The following MDFIC2 variants were observed in gnomAD, a reference collection of about 807,000 sequenced individuals.
MDFIC2 encodes myoD family inhibitor domain-containing protein 2.
chr3:70,262,676 G>T (rs1200577826), intron 2 of MDFIC2, among the ~76,000 whole-genome samples: 1 of 152,104 alleles, frequency 6.6e-6, no homozygotes, highest in East Asian at 1.9e-4. Context: ...CACATAACAG[G>T]GTTGGCGCAT....
chr3:70,226,950 C>G (rs948211239), intron 2 of MDFIC2, among the ~76,000 whole-genome samples: 1 of 151,958 alleles, frequency 6.6e-6, no homozygotes, highest in Non-Finnish European at 1.5e-5. Context: ...TTTATTTTAG[C>G]CTATAGACAA....
chr3:70,290,473 C>A (rs567805326), intron 2 of MDFIC2, among the ~76,000 whole-genome samples: 2 of 152,224 alleles, frequency 1.3e-5, no homozygotes, highest in South Asian at 2.1e-4. Flanking sequence ...AGCTGTCAGA[C>A]AGGGACATTT....
intron 2 of MDFIC2, among the ~76,000 whole-genome samples, chr3:70,285,400 T>G (rs1334917463): frequency 6.6e-6 from 1 of 152,166 alleles, no homozygotes; most frequent in South Asian, 2.1e-4. Context: ...TCAGTTTTTA[T>G]GGCTGCATAG....
chr3:70,243,918 G>A (rs894804376), intron 2 of MDFIC2, among the ~76,000 whole-genome samples: 1 of 152,170 alleles, frequency 6.6e-6, no homozygotes, highest in African/African-American at 2.4e-5. Flanking sequence ...GTTTCCTAGA[G>A]TAAGTAACAG....
chr3:70,293,293 A>G (rs1367811710), intron 2 of MDFIC2, among the ~76,000 whole-genome samples: 1 of 152,096 alleles, frequency 6.6e-6, no homozygotes, highest in Non-Finnish European at 1.5e-5. Context: ...AATTACATAC[A>G]ATTATCAAAA....
chr3:70,292,446 T>C (rs1195140845), intron 2 of MDFIC2, among the ~76,000 whole-genome samples: 1 of 152,144 alleles, frequency 6.6e-6, no homozygotes, highest in Non-Finnish European at 1.5e-5. Context: ...ATGATATCAC[T>C]AGTAATACTA....
rs4488800 is a variant in MDFIC2, at chr3:70,195,111, G to C, written c.*1815C>G. 0.17 allele frequency among the ~76,000 whole-genome samples: 25,397 copies of C among 152,152 alleles called. 2,885 individuals are homozygous for C. Among genetic ancestry groups the C allele is most frequent in the Middle Eastern group, 0.24 (71 of 294 alleles). ...CCTGACACTGCCAATAATTCACTGTGTGGTCTTGAATAAGTCAGTTCATGG... is the reference window on the plus strand; with the variant it reads ...CCTGACACTGCCAATAATTCACTGTCTGGTCTTGAATAAGTCAGTTCATGG... On this transcript the variant is annotated 3_prime_UTR_variant, in exon 4 of 4. Coordinates refer to ENST00000567252, the MANE Select transcript of MDFIC2 (RefSeq NM_001364677.1).
chr3:70,297,361 C>G lies in MDFIC2; in HGVS notation c.88+14525G>C, dbSNP rs116007928. 5.9e-5 allele frequency among the ~76,000 whole-genome samples: 9 copies of G among 152,100 alleles called. 1 individual carries two copies. Among genetic ancestry groups the G allele is most frequent in the African/African-American group, 2.2e-4 (9 of 41,522 alleles). On this transcript the variant is annotated intron_variant, in intron 2 of 3. Transcript: ENST00000567252. The stretch of plus-strand genomic sequence containing the variant: ...TGCTTGCTCTAGACCACAAAAAGAA[C>G]TGGATATCTTGGTGGAGATTAAGAG...
At chr3:70,227,484 G>A (rs1219633906) in intron 2 of MDFIC2, among the ~76,000 whole-genome samples, 3 of 152,168 alleles carry the variant, frequency 2.0e-5, no homozygotes, top group Non-Finnish European at 4.4e-5. Context: ...GAGGTCATTG[G>A]AGACTTTTGC....
chr3:70,298,286 T>C (rs2106699339), intron 2 of MDFIC2, among the ~76,000 whole-genome samples: 1 of 152,220 alleles, frequency 6.6e-6, no homozygotes, highest in Non-Finnish European at 1.5e-5. Context: ...TTTGATGTGA[T>C]ATGTTTTATT....
chr3:70,223,713 T>C (rs1701479571), intron 2 of MDFIC2, among the ~76,000 whole-genome samples: 1 of 152,166 alleles, frequency 6.6e-6, no homozygotes, highest in Non-Finnish European at 1.5e-5. Flanking sequence ...TTTAAGAGCA[T>C]CCTAGAACAG....
chr3:70,298,947 A>G (rs1485747191), intron 2 of MDFIC2, among the ~76,000 whole-genome samples: 1 of 152,162 alleles, frequency 6.6e-6, no homozygotes, highest in Non-Finnish European at 1.5e-5. Context: ...TTCTGCACAT[A>G]TATTTTATGC....
chr3:70,267,722 A>C (rs2106668092), intron 2 of MDFIC2, among the ~76,000 whole-genome samples: 1 of 152,064 alleles, frequency 6.6e-6, no homozygotes, highest in African/African-American at 2.4e-5. Context: ...AGCCTAAAAT[A>C]GCATTTTTTA....
At chr3:70,228,777 T>C (rs1701532258) in intron 2 of MDFIC2, among the ~76,000 whole-genome samples, 1 of 152,098 alleles carries the variant, frequency 6.6e-6, no homozygotes, top group Admixed American at 6.6e-5. Context: ...CAAGTTTCAT[T>C]TGCATTCTCC....
chr3:70,283,261 A>G (rs1238008290), intron 2 of MDFIC2, among the ~76,000 whole-genome samples: 1 of 152,084 alleles, frequency 6.6e-6, no homozygotes, highest in Non-Finnish European at 1.5e-5. Context: ...AAACTCATGC[A>G]GTCCTCTGAT....
chr3:70,275,650 C>G (rs1010510973), intron 2 of MDFIC2, among the ~76,000 whole-genome samples: 1 of 152,224 alleles, frequency 6.6e-6, no homozygotes, highest in Non-Finnish European at 1.5e-5. Context: ...CTCAACCTCC[C>G]ACGCCTCAGC....
intron 2 of MDFIC2, among the ~76,000 whole-genome samples, chr3:70,295,176 G>T (rs1157009534): frequency 1.3e-5 from 2 of 152,164 alleles, no homozygotes; most frequent in African/African-American, 4.8e-5. Context: ...ACTGCCCTGA[G>T]ATGTGTGGAT....
intron 3 of MDFIC2, among the ~76,000 whole-genome samples, chr3:70,200,815 G>T (rs1701229792): frequency 6.6e-6 from 1 of 152,104 alleles, no homozygotes; most frequent in Non-Finnish European, 1.5e-5. Flanking sequence ...GATTGTTTCT[G>T]ACTGTCCTAA....
intron 2 of MDFIC2, among the ~76,000 whole-genome samples, chr3:70,303,809 G>A (rs1308526042): frequency 6.6e-6 from 1 of 152,040 alleles, no homozygotes; most frequent in African/African-American, 2.4e-5. Flanking sequence ...AGCTTCCTGA[G>A]TAGCTGGAAT....
Sources: allele counts gnomAD v4.1 joint callset (sites outside exome capture counted in the v4.1 genomes callset), GRCh38; gene constraint gnomAD v4.1.1; transcripts MANE v1.5; gene names NCBI Gene and HGNC (gene_info 2026-07-23, HGNC 2026-07-21).